RIN3: variants seen among roughly 807,000 people sequenced by gnomAD.
RIN3 encodes RAB5 interacting protein 3.
In RIN3, 54 loss-of-function variants were observed where a neutral mutation model predicts 76.3. That is an observed-to-expected ratio of 0.71 (90% CI 0.57 to 0.89). The LOEUF (loss-of-function observed/expected upper bound fraction) is 0.89, where lower values mean the gene tolerates loss of function less well. Ranked by LOEUF, RIN3 falls within the 40% of genes least tolerant of loss-of-function variation. The pLI is 0.00. For missense variants in RIN3, 1,256 were observed against 1,322.1 expected, an observed-to-expected ratio of 0.95 and a Z score of 0.78; for synonymous variants, 576 against 564.0, an observed-to-expected ratio of 1.02 and a Z score of -0.30.
intron 1 of RIN3, among the ~76,000 whole-genome samples, chr14:92,547,072 T>A (rs139801732): frequency 0.11 from 12,012 of 113,994 alleles, 3,049 homozygotes; most frequent in Non-Finnish European, 0.16. Flanking sequence ...TATATTTTAT[T>A]TTATATTATA....
At chr14:92,535,669 CTTTTTT>C (rs59009829) in intron 1 of RIN3, among the ~76,000 whole-genome samples, 84 of 94,104 alleles carry the variant, frequency 8.9e-4, no homozygotes, top group Middle Eastern at 6.6e-3. Context: ...CTGGAACAGA[CTTTTTT>C]TTTTTTTTTT....
At chr14:92,583,093 G>A (rs1213729080) in intron 3 of RIN3, among the ~76,000 whole-genome samples, 1 of 152,168 alleles carries the variant, frequency 6.6e-6, no homozygotes. Flanking sequence ...GAAAGGGTTC[G>A]TGTGTCTACA....
chr14:92,573,732 C>T (rs1447120408), intron 2 of RIN3, among the ~76,000 whole-genome samples: 10 of 152,242 alleles, frequency 6.6e-5, no homozygotes. Flanking sequence ...TTACTATATA[C>T]CACACACTCA....
chr14:92,582,732 C>T (rs1032447106), intron 3 of RIN3, among the ~76,000 whole-genome samples: 2 of 152,124 alleles, frequency 1.3e-5, no homozygotes, highest in Non-Finnish European at 2.9e-5. Context: ...GGATTACAGG[C>T]GTGAGCCACC....
intron 1 of RIN3, among the ~76,000 whole-genome samples, chr14:92,523,154 C>G (rs976462919): frequency 1.3e-5 from 2 of 152,062 alleles, no homozygotes; most frequent in African/African-American, 4.8e-5. Context: ...CTCTTGTCAC[C>G]CAGGCTGGAG....
At chr14:92,587,495 A>G (rs1884818975) in intron 3 of RIN3, among the ~76,000 whole-genome samples, 1 of 152,250 alleles carries the variant, frequency 6.6e-6, no homozygotes, top group South Asian at 2.1e-4. Context: ...AAGTTTTGAC[A>G]GAGATGGAGA....
intron 3 of RIN3, among the ~76,000 whole-genome samples, chr14:92,596,222 A>AT (rs1363886080): frequency 1.3e-5 from 2 of 152,224 alleles, no homozygotes; most frequent in African/African-American, 2.4e-5. Context: ...CAAAAGTAGG[A>AT]TCCCCCAGGT....
chr14:92,599,576 A>T (rs1885272501), intron 3 of RIN3, among the ~76,000 whole-genome samples: 1 of 151,846 alleles, frequency 6.6e-6, no homozygotes, highest in Non-Finnish European at 1.5e-5. Context: ...AAAGAGAGCA[A>T]CCCCCTGGTG....
At chr14:92,642,066 T>C (rs734208) in intron 5 of RIN3, among the ~76,000 whole-genome samples, 134,091 of 152,022 alleles carry the variant, frequency 0.88, 59,413 homozygotes, top group Middle Eastern at 0.93. Context: ...TTTCAGTGTG[T>C]GTTGGGAGCA....
chr14:92,657,904 A>C (rs1242974939), intron 6 of RIN3, among the ~76,000 whole-genome samples: 1 of 152,176 alleles, frequency 6.6e-6, no homozygotes, highest in Non-Finnish European at 1.5e-5. Flanking sequence ...CCGTGGGAGC[A>C]TGAGTCCCTC....
intron 1 of RIN3, among the ~76,000 whole-genome samples, chr14:92,553,026 T>TAAA (rs55684274): frequency 8.1e-6 from 1 of 123,232 alleles, no homozygotes; most frequent in African/African-American, 3.1e-5. Flanking sequence ...GTTCTGCAGG[T>TAAA]AAAAAAAAAA....
At chr14:92,563,362 AAAACAAAC>A (rs199772929) in intron 2 of RIN3, among the ~76,000 whole-genome samples, 1 of 152,152 alleles carries the variant, frequency 6.6e-6, no homozygotes, top group African/African-American at 2.4e-5. Flanking sequence ...ACTCTGTCTC[AAAACAAAC>A]AAACAAACAA....
intron 2 of RIN3, among the ~76,000 whole-genome samples, chr14:92,566,885 G>A (rs756723501): frequency 3.3e-5 from 5 of 152,170 alleles, no homozygotes; most frequent in Non-Finnish European, 5.9e-5. Context: ...TGCATGGAGG[G>A]TGTGATATTC....
At chr14:92,658,650 C>A (rs565119923) in intron 6 of RIN3, among the ~76,000 whole-genome samples, 1 of 152,260 alleles carries the variant, frequency 6.6e-6, no homozygotes, top group African/African-American at 2.4e-5. Flanking sequence ...CTGACCAACC[C>A]AGGTCAAGGT....
At chr14:92,641,533 C>T (rs768425106) in intron 5 of RIN3, among the ~76,000 whole-genome samples, 8 of 152,196 alleles carry the variant, frequency 5.3e-5, no homozygotes, top group South Asian at 4.1e-4. Flanking sequence ...CTGCCCAGGA[C>T]GCCCTGAGGC....
intron 3 of RIN3, among the ~76,000 whole-genome samples, chr14:92,585,657 C>T (rs1045858457): frequency 2.0e-5 from 3 of 152,184 alleles, no homozygotes; most frequent in African/African-American, 7.2e-5. Context: ...TTTGTTTTCA[C>T]GGTCTCACTC....
intron 7 of RIN3, among the ~76,000 whole-genome samples, chr14:92,669,074 T>A (rs999880829): frequency 2.6e-5 from 4 of 152,256 alleles, no homozygotes; most frequent in African/African-American, 9.6e-5. Flanking sequence ...AAAACAAGCA[T>A]TAAATAAGCA....
At chr14:92,559,744 CAG>C (rs1897709404) in intron 2 of RIN3, among the ~76,000 whole-genome samples, 1 of 152,196 alleles carries the variant, frequency 6.6e-6, no homozygotes, top group South Asian at 2.1e-4. Flanking sequence ...GGGGAGCTGA[CAG>C]AGTCTGCTGG....
chr14:92,582,795 C>A (rs796251766), intron 3 of RIN3, among the ~76,000 whole-genome samples: 24 of 152,252 alleles, frequency 1.6e-4, no homozygotes, highest in African/African-American at 5.5e-4. Context: ...AAACCTCACT[C>A]CCCTGAGGTC....
Sources: allele counts gnomAD v4.1 joint callset (sites outside exome capture counted in the v4.1 genomes callset), GRCh38; gene constraint gnomAD v4.1.1; transcripts MANE v1.5; gene names NCBI Gene and HGNC (gene_info 2026-07-23, HGNC 2026-07-21).